The following CSE1L variants were observed in gnomAD, a reference collection of about 807,000 sequenced individuals.
The protein encoded by CSE1L is chromosome segregation 1 like, also known as exportin-2.
Under a neutral mutation model 120.4 loss-of-function variants are expected in CSE1L, and 24 were observed. The observed-to-expected ratio is 0.20, with a 90% confidence interval of 0.14 to 0.28. The LOEUF (loss-of-function observed/expected upper bound fraction) is 0.28. CSE1L is among the 10% of genes least tolerant of loss of function. The probability of loss-of-function intolerance (pLI) is 1.00; values close to 1 mark genes in which losing one functional copy is unlikely to be tolerated. For missense variants in CSE1L, 830 were observed against 1,145.2 expected (o/e 0.72, Z 3.97); for synonymous variants, 402 against 398.3 (o/e 1.01, Z -0.11).
chr20:49,095,175 GGAGT>G (rs2145760384), intron 24 of CSE1L: 1 of 672,828 alleles, frequency 1.5e-6, no homozygotes, highest in East Asian at 2.8e-5. Context: ...AATGGATTTA[GGAGT>G]GAGAACAAAG....
At chr20:49,058,429 T>C (rs747487456) in intron 1 of CSE1L, 24 bp from the exon 2 acceptor site, 1 of 1,528,220 alleles carries the variant, frequency 6.5e-7, no homozygotes, top group Non-Finnish European at 9.0e-7. Context: ...TGACCAGTTA[T>C]CCAAACCTTA....
chr20:49,083,094 A>G (rs2092026754), intron 14 of CSE1L, among the ~76,000 whole-genome samples: 1 of 148,354 alleles, frequency 6.7e-6, no homozygotes, highest in African/African-American at 2.5e-5. Context: ...GTGCAGTCTC[A>G]GCTCACTGCA....
Position 49,071,247 on chromosome 20 carries a change from C to T in CSE1L, c.768+950C>T, listed in dbSNP as rs1028662407. On this transcript the variant is annotated intron_variant, in intron 8 of 24. Coordinates refer to ENST00000262982, the MANE Select transcript of CSE1L (RefSeq NM_001316.4). ...CAACAGATTTTGTCTCAGAGTTTGA[C>T]TATATTAATAGGAACTTTAAAAGAT... 1.2e-4 allele frequency among the ~76,000 whole-genome samples: 18 copies of T among 152,060 alleles called. 1 individual carries two copies. The highest frequency in any genetic ancestry group is 9.2e-4 in the Admixed American group (14 of 15,258).
At chr20:49,084,004 T>G in intron 14 of CSE1L, 22 bp from the exon 15 acceptor site, 1 of 1,601,578 alleles carries the variant, frequency 6.2e-7, no homozygotes, top group African/African-American at 1.3e-5. Flanking sequence ...ATTTAGAGCA[T>G]GTATATTATT....
chr20:49,094,690 TA>T, intron 23 of CSE1L, 41 bp from the exon 24 acceptor site: 1 of 1,387,766 alleles, frequency 7.2e-7, no homozygotes, highest in East Asian at 2.3e-5. Context: ...GTCTTCCGAG[TA>T]TTTTCTTGAC....
chr20:49,065,023 C>T (rs553117418), intron 3 of CSE1L, among the ~76,000 whole-genome samples: 2 of 150,896 alleles, frequency 1.3e-5, no homozygotes, highest in South Asian at 2.1e-4. Flanking sequence ...CAGGTGTGGT[C>T]GTGTGTGGTG....
chr20:49,078,647 C>CG (rs1568779246), intron 14 of CSE1L, 25 bp downstream of exon 14: 1 of 1,468,984 alleles, frequency 6.8e-7, no homozygotes, highest in Non-Finnish European at 9.3e-7. Flanking sequence ...ATTTGTTACA[C>CG]GCCACTTAAT....
rs186641781 is a variant in CSE1L at position 49,092,207 on chromosome 20, T to C, written c.2447+80T>C. On this transcript the variant is annotated intron_variant, in intron 22 of 24. Coordinates refer to ENST00000262982, the MANE Select transcript of CSE1L (RefSeq NM_001316.4). ...AGTACAAATCAGTATCTCTGTCTTA[T>C]AGATGATGATGTGGTTCTTGGTATG... 7.3e-5 allele frequency: 52 copies of C among 714,924 alleles called. No homozygotes were observed. The East Asian group carries it at 7.4e-4, about 10-fold the overall frequency. 44.3% of individuals were successfully genotyped at this position (714,924 alleles called of 1,614,324 possible).
chr20:49,086,204 T>C (rs2092055811), intron 16 of CSE1L, among the ~76,000 whole-genome samples: 1 of 152,116 alleles, frequency 6.6e-6, no homozygotes, highest in South Asian at 2.1e-4. Flanking sequence ...GCCTAGCACA[T>C]TGGGTTGTAG....
rs563854131 is a variant in CSE1L, at chr20:49,050,200, TTTTTATTTTA to T, written c.-12+3802_-12+3811del. Among the ~76,000 whole-genome samples the T allele has an allele frequency of 1.0e-3, 151 of 146,542 alleles. 1 individual carries two copies. Among genetic ancestry groups the T allele is most frequent in the African/African-American group, 3.0e-3 (120 of 39,716 alleles). On this transcript the variant is annotated intron_variant, in intron 1 of 24. Coordinates refer to ENST00000262982, the MANE Select transcript of CSE1L (RefSeq NM_001316.4). ...TCTATTATGTGGTTTTATTTATTTA[TTTTTATTTTA>T]TTTTATTTTATTTTATTTTATTTTT... is the stretch of plus-strand genomic sequence containing the variant.
At chr20:49,077,889 A>G (rs535201995) in intron 13 of CSE1L, among the ~76,000 whole-genome samples, 1 of 152,054 alleles carries the variant, frequency 6.6e-6, no homozygotes, top group Non-Finnish European at 1.5e-5. Context: ...CTGTAATCCC[A>G]GCTATTTGGG....
Position 49,089,320 on chromosome 20 carries a change from C to T in CSE1L, c.1895C>T (p.Ala632Val), listed in dbSNP as rs781667950. Residue 632 changes from alanine to valine, a missense_variant, in exon 18 of 25, where the codon GCT (alanine) becomes GTT (valine). Physicochemically the swap from Ala to Val is moderately conservative, Grantham distance 64. Coordinates refer to ENST00000262982, the MANE Select transcript of CSE1L (RefSeq NM_001316.4). ...TTATCCATAAGAATAACTTGCAAAG[C>T]TAACCCTGCTGCTGTTGTAAATTTT... ...ICLSIRITCK[A>V]NPAAVVNFEE... 2 of 1,613,202 alleles carry T rather than the reference C, an allele frequency of 1.2e-6. No homozygotes were observed. The highest frequency in any genetic ancestry group is 1.3e-5 in the African/African-American group (1 of 74,922).
At chr20:49,086,617 A>T (rs1334091729) in intron 16 of CSE1L, among the ~76,000 whole-genome samples, 2 of 152,056 alleles carry the variant, frequency 1.3e-5, no homozygotes, top group Non-Finnish European at 2.9e-5. Context: ...CACCCGCCTC[A>T]GCCTCCCAAA....
At chr20:49,077,169 T>TTC (rs2091975463) in intron 13 of CSE1L, 105 bp downstream of exon 13, 2 of 718,928 alleles carry the variant, frequency 2.8e-6, no homozygotes, top group Non-Finnish European at 4.4e-6. Flanking sequence ...TTTTTTTTTT[T>TTC]TTTCTTTTGA....
At chr20:49,076,182 GTTGTT>G (rs57034365) in intron 12 of CSE1L, among the ~76,000 whole-genome samples, 32,445 of 150,690 alleles carry the variant, frequency 0.22, 3,552 homozygotes, top group Non-Finnish European at 0.24. Context: ...TTTTGTTGTT[GTTGTT>G]TTGTTTTGTT....
intron 2 of CSE1L, among the ~76,000 whole-genome samples, chr20:49,058,829 A>C (rs1009020067): frequency 3.3e-5 from 5 of 152,116 alleles, no homozygotes; most frequent in Non-Finnish European, 7.4e-5. Flanking sequence ...CAAAATACCC[A>C]CTTAAAACAT....
chr20:49,087,671 AAG>A (rs1479053119), intron 16 of CSE1L, among the ~76,000 whole-genome samples: 1 of 152,122 alleles, frequency 6.6e-6, no homozygotes, highest in Admixed American at 6.6e-5. Flanking sequence ...ACTGATTTCT[AAG>A]AGAAAGAGAC....
chr20:49,090,895 A>G, intron 20 of CSE1L, 42 bp from the exon 21 acceptor site: 1 of 1,597,862 alleles, frequency 6.3e-7, no homozygotes, highest in South Asian at 1.1e-5. Context: ...GGTGCTCAGA[A>G]AAGTCCTAAA....
Position 49,077,061 on chromosome 20 carries a change from A to G in CSE1L, c.1417A>G (p.Asn473Asp). The change falls in exon 13 of 25, where the codon AAT (asparagine) becomes GAT (aspartate). Residue 473 changes from asparagine to aspartate, a missense_variant. Transcript: ENST00000262982. ...CATCCTCCCTGATTTAAAATCAGCT[A>G]ATGGTGAGTTGTGAAATTCTTGCTT... ...NHILPDLKSA[N>D]VNEFPVLKAD... 1.9e-6 allele frequency: 3 copies of G among 1,600,232 alleles called. No individual in the cohort carries two copies. The highest frequency in any genetic ancestry group is 2.6e-6 in the Non-Finnish European group (3 of 1,173,294).
Sources: allele counts gnomAD v4.1 joint callset (sites outside exome capture counted in the v4.1 genomes callset), GRCh38; gene constraint gnomAD v4.1.1; transcripts MANE v1.5; gene names NCBI Gene and HGNC (gene_info 2026-07-23, HGNC 2026-07-21).